PRKG2: variants seen among roughly 807,000 people sequenced by gnomAD.
PRKG2 encodes the protein protein kinase cGMP-dependent 2, also known as cGMP-dependent protein kinase 2.
A neutral mutation model predicts 97.2 loss-of-function variants in PRKG2; 33 were observed. The observed-to-expected ratio is 0.34, with a 90% CI of 0.26 to 0.45. The LOEUF is 0.45. Ranked by LOEUF, PRKG2 falls within the 20% of genes least tolerant of loss-of-function variation. PRKG2 has a pLI of 1.00. For synonymous variants in PRKG2, 330 were observed against 321.8 expected (o/e 1.03, Z -0.27); for missense variants, 638 against 900.0 (o/e 0.71, Z 3.73).
intron 17 of PRKG2, among the ~76,000 whole-genome samples, chr4:81,094,041 G>T (rs1282896146): frequency 6.6e-6 from 1 of 152,158 alleles, no homozygotes; most frequent in African/African-American, 2.4e-5. Flanking sequence ...CCTTCAATTT[G>T]TAAAAGATAA....
At chr4:81,152,844 T>C (rs1381665422) in intron 7 of PRKG2, among the ~76,000 whole-genome samples, 1 of 152,216 alleles carries the variant, frequency 6.6e-6, no homozygotes, top group Non-Finnish European at 1.5e-5. Flanking sequence ...TTTCAGAGGT[T>C]TGAAACTATT....
In PRKG2 at chr4:81,171,584, G is replaced by C. The variant is rs1379662168; in HGVS notation, c.742+107C>G. 1.6e-5 allele frequency: 12 copies of C among 746,944 alleles called. No individual in the cohort carries two copies. The Admixed American group carries it at 3.3e-4, about 20-fold the overall frequency. 46.3% of individuals were successfully genotyped at this position (746,944 alleles called of 1,614,324 possible). ...AGCATTTCTATTATAAGAACATATA[G>C]GGTAAAATGGGAAACAGACTGTGGA... On this transcript the variant is annotated intron_variant, in intron 4 of 18. Transcript: ENST00000264399.
rs1001644940 is a variant in PRKG2, at chr4:81,153,775, T to G, written c.913-54A>C. ...AAGAGCGGGTGGAGCCAAGATGGCC[T>G]AATAGGAACAGCTCCAGTATACAGC... On this transcript the variant is annotated intron_variant, in intron 6 of 18. Transcript: ENST00000264399. The G allele has an allele frequency of 2.6e-5, 33 of 1,292,774 alleles. No homozygotes were observed. The Middle Eastern group carries it at 7.8e-4, about 30-fold the overall frequency. 80.1% of individuals were successfully genotyped at this position (1,292,774 alleles called of 1,614,324 possible). A position where few individuals can be genotyped will look rare whatever the true frequency, so the allele number is the denominator to read the frequency against.
At chr4:81,134,148 C>G (rs1578397842) in intron 14 of PRKG2, among the ~76,000 whole-genome samples, 1 of 152,192 alleles carries the variant, frequency 6.6e-6, no homozygotes, top group South Asian at 2.1e-4. Flanking sequence ...TTATTTTACT[C>G]TTTTACCACA....
chr4:81,152,773 T>C (rs1307250298), intron 7 of PRKG2, among the ~76,000 whole-genome samples: 1 of 152,182 alleles, frequency 6.6e-6, no homozygotes, highest in East Asian at 1.9e-4. Context: ...CAAGAATTAT[T>C]TCAAAGTATG....
At chr4:81,165,970 A>AT (rs1174784189) in intron 6 of PRKG2, among the ~76,000 whole-genome samples, 3 of 152,010 alleles carry the variant, frequency 2.0e-5, no homozygotes, top group Admixed American at 2.0e-4. Flanking sequence ...AAAAAAAAAA[A>AT]CACCCTTAGA....
intron 14 of PRKG2, among the ~76,000 whole-genome samples, chr4:81,112,978 A>C (rs1445637000): frequency 6.6e-6 from 1 of 152,182 alleles, no homozygotes; most frequent in Non-Finnish European, 1.5e-5. Context: ...GTAGCATTTG[A>C]GCAGATTTGA....
intron 2 of PRKG2, among the ~76,000 whole-genome samples, chr4:81,190,507 C>A (rs1752391995): frequency 6.6e-6 from 1 of 152,064 alleles, no homozygotes; most frequent in South Asian, 2.1e-4. Context: ...GGCAATACCC[C>A]ATTCAGGACA....
At chr4:81,130,337 T>C (rs1198574989) in intron 14 of PRKG2, among the ~76,000 whole-genome samples, 1 of 152,162 alleles carries the variant, frequency 6.6e-6, no homozygotes, top group Non-Finnish European at 1.5e-5. Context: ...ACAGCAAAGA[T>C]TGCTGCCTTT....
intron 8 of PRKG2, among the ~76,000 whole-genome samples, chr4:81,149,718 C>T (rs1748198616): frequency 6.6e-6 from 1 of 152,118 alleles, no homozygotes; most frequent in East Asian, 1.9e-4. Context: ...AAAAGACACA[C>T]ACACAAAAGG....
intron 4 of PRKG2, among the ~76,000 whole-genome samples, chr4:81,170,790 T>G (rs990183894): frequency 6.6e-6 from 1 of 152,128 alleles, no homozygotes; most frequent in Non-Finnish European, 1.5e-5. Context: ...ATATTCCTTT[T>G]GATATAGATA....
chr4:81,125,927 T>C (rs1315531717), intron 14 of PRKG2, among the ~76,000 whole-genome samples: 1 of 152,206 alleles, frequency 6.6e-6, no homozygotes, highest in Non-Finnish European at 1.5e-5. Context: ...GTGCAGAATG[T>C]GCAAGTTTGT....
chr4:81,137,264 CTAT>C, intron 13 of PRKG2, 126 bp downstream of exon 13: 3 of 717,058 alleles, frequency 4.2e-6, no homozygotes, highest in Non-Finnish European at 2.4e-6. Flanking sequence ...GACAATATCA[CTAT>C]TACTACTTTA....
chr4:81,191,238 G>A (rs544456751), intron 2 of PRKG2, among the ~76,000 whole-genome samples: 2 of 152,248 alleles, frequency 1.3e-5, no homozygotes, highest in East Asian at 3.9e-4. Context: ...ATACACCACG[G>A]AATACTATGC....
chr4:81,105,181 C>T (rs768338003), intron 16 of PRKG2, among the ~76,000 whole-genome samples: 1 of 152,040 alleles, frequency 6.6e-6, no homozygotes, highest in Non-Finnish European at 1.5e-5. Context: ...TAAGGATGTC[C>T]GTTGCCTGAG....
At chr4:81,152,429 A>C (rs368484402) in intron 7 of PRKG2, among the ~76,000 whole-genome samples, 6 of 152,308 alleles carry the variant, frequency 3.9e-5, no homozygotes, top group African/African-American at 1.4e-4. Flanking sequence ...TTGACAAATT[A>C]ATCAAAAATA....
chr4:81,126,012 T>A (rs1326183613), intron 14 of PRKG2, among the ~76,000 whole-genome samples: 1 of 152,146 alleles, frequency 6.6e-6, no homozygotes. Context: ...TTTCTCCTAA[T>A]GCTATCCCTC....
At chr4:81,137,008 G>A (rs1326705049) in intron 13 of PRKG2, among the ~76,000 whole-genome samples, 1 of 152,056 alleles carries the variant, frequency 6.6e-6, no homozygotes, top group Middle Eastern at 3.4e-3. Flanking sequence ...AATCTTCGCA[G>A]GCATCTTGCT....
chr4:81,126,580 G>A (rs1350102243), intron 14 of PRKG2, among the ~76,000 whole-genome samples: 3 of 152,310 alleles, frequency 2.0e-5, no homozygotes, highest in Admixed American at 6.5e-5. Context: ...TAACTGGCGT[G>A]AGCTGGTATC....
Sources: gnomAD v4.1 joint callset for allele counts (sites outside exome capture counted in the v4.1 genomes callset) on GRCh38, gnomAD v4.1.1 for gene constraint, MANE v1.5 for transcripts, NCBI Gene and HGNC (gene_info 2026-07-23, HGNC 2026-07-21) for gene names.